The following UXS1 variants were observed in gnomAD, a reference collection of about 807,000 sequenced individuals.
UXS1 encodes UDP-glucuronic acid decarboxylase 1.
A neutral mutation model predicts 62.6 loss-of-function variants in UXS1; 33 were observed. That is an observed-to-expected ratio of 0.53 (90% confidence interval 0.40 to 0.70). The LOEUF (loss-of-function observed/expected upper bound fraction) is 0.70, where lower values mean the gene tolerates loss of function less well. UXS1 is among the 30% of genes least tolerant of loss of function. The pLI, the probability that UXS1 is intolerant of heterozygous loss-of-function variation, is 0.00. For synonymous variants in UXS1, 213 were observed against 206.8 expected, an observed-to-expected ratio of 1.03 and a Z score of -0.26; for missense variants, 434 against 556.3, an observed-to-expected ratio of 0.78 and a Z score of 2.21.
intron 11 of UXS1, 94 bp from the exon 12 acceptor site, chr2:106,101,212 C>T (rs1677569954): frequency 1.5e-6 from 2 of 1,322,096 alleles, no homozygotes; most frequent in Non-Finnish European, 2.1e-6. Flanking sequence ...AAAATTACCA[C>T]CCCCAGGAGA....
chr2:106,178,480 GTA>G (rs56154825), intron 1 of UXS1, among the ~76,000 whole-genome samples: 5 of 151,382 alleles, frequency 3.3e-5, no homozygotes, highest in East Asian at 1.9e-4. Flanking sequence ...ACAAGTGTGT[GTA>G]TATATATATA....
chr2:106,170,112 C>G (rs1683457817), intron 1 of UXS1, among the ~76,000 whole-genome samples: 1 of 152,128 alleles, frequency 6.6e-6, no homozygotes, highest in Non-Finnish European at 1.5e-5. Context: ...CTTCCTTCCC[C>G]ACTCAGACCT....
chr2:106,098,229 T>C (rs143653138), intron 13 of UXS1, among the ~76,000 whole-genome samples: 17 of 152,254 alleles, frequency 1.1e-4, no homozygotes, highest in Admixed American at 1.1e-3. Flanking sequence ...CTGGAAGACC[T>C]GACCTTCTCA....
chr2:106,137,390 T>C (rs535948696), intron 6 of UXS1, among the ~76,000 whole-genome samples: 1 of 152,244 alleles, frequency 6.6e-6, no homozygotes, highest in East Asian at 1.9e-4. Flanking sequence ...GGGCTGCAGG[T>C]AGAAGCAGCA....
At chr2:106,159,302 G>A (rs1291333223) in intron 4 of UXS1, 1 of 152,264 alleles carries the variant, frequency 6.6e-6, no homozygotes, top group Non-Finnish European at 1.5e-5. Context: ...CTCCACAAGA[G>A]CGAGAAGAGA....
At chr2:106,115,699 T>C (rs540755922) in intron 9 of UXS1, among the ~76,000 whole-genome samples, 1 of 152,202 alleles carries the variant, frequency 6.6e-6, no homozygotes, top group South Asian at 2.1e-4. Context: ...TCACTTCAGT[T>C]TCTAAGACTT....
chr2:106,156,071 C>T (rs1682398230), intron 5 of UXS1, among the ~76,000 whole-genome samples: 1 of 151,964 alleles, frequency 6.6e-6, no homozygotes, highest in South Asian at 2.1e-4. Context: ...AGCATTTGTG[C>T]TTCAAAGAAT....
intron 3 of UXS1, among the ~76,000 whole-genome samples, chr2:106,164,484 G>A (rs545924114): frequency 3.3e-5 from 5 of 152,240 alleles, no homozygotes; most frequent in Admixed American, 2.6e-4. Flanking sequence ...TCTAAAAAAC[G>A]CTTACCTGAA....
intron 1 of UXS1, among the ~76,000 whole-genome samples, chr2:106,193,857 GT>G (rs1360958034): frequency 1.3e-5 from 2 of 152,064 alleles, no homozygotes. Context: ...CCGCCGCCGA[GT>G]CCCCCGCGCC....
chr2:106,159,703 C>T (rs1409814994), intron 4 of UXS1, among the ~76,000 whole-genome samples: 1 of 152,200 alleles, frequency 6.6e-6, no homozygotes, highest in Non-Finnish European at 1.5e-5. Flanking sequence ...CATCCCTGCC[C>T]TGTCCCCAGC....
chr2:106,101,294 A>G, intron 11 of UXS1, 176 bp from the exon 12 acceptor site: 1 of 620,942 alleles, frequency 1.6e-6, no homozygotes, highest in Non-Finnish European at 2.7e-6. Flanking sequence ...TTACAATGCG[A>G]AAGTATTTAT....
chr2:106,149,411 T>G (rs890369240), intron 5 of UXS1, among the ~76,000 whole-genome samples: 1 of 152,192 alleles, frequency 6.6e-6, no homozygotes, highest in Non-Finnish European at 1.5e-5. Flanking sequence ...GTGGGGTGAT[T>G]AGGCCATGAG....
intron 5 of UXS1, among the ~76,000 whole-genome samples, chr2:106,151,800 C>T (rs186427022): frequency 6.6e-6 from 1 of 152,174 alleles, no homozygotes; most frequent in Non-Finnish European, 1.5e-5. Flanking sequence ...GAGGGACATA[C>T]AAGTATTAAC....
intron 1 of UXS1, among the ~76,000 whole-genome samples, chr2:106,168,669 A>C (rs1683357214): frequency 1.3e-5 from 2 of 152,216 alleles, no homozygotes; most frequent in African/African-American, 4.8e-5. Context: ...GCCCTCACCA[A>C]TGTCATGGCC....
chr2:106,157,936 C>A (rs1024568657), intron 5 of UXS1, 122 bp downstream of exon 5: 5 of 850,406 alleles, frequency 5.9e-6, no homozygotes, highest in African/African-American at 3.4e-5. Flanking sequence ...ACTCTGTGGA[C>A]ATACTATAAG....
intron 5 of UXS1, chr2:106,145,571 C>A: frequency 2.1e-6 from 1 of 481,172 alleles, no homozygotes. Context: ...CTGTAAACTC[C>A]TAAGCAGCCT....
chr2:106,099,525 T>A (rs536810276), intron 12 of UXS1, among the ~76,000 whole-genome samples: 1 of 152,258 alleles, frequency 6.6e-6, no homozygotes, highest in South Asian at 2.1e-4. Flanking sequence ...ACAGAGGGGA[T>A]GACTAGCGAA....
chr2:106,169,449 T>C (rs975967425), intron 1 of UXS1, among the ~76,000 whole-genome samples: 2 of 152,192 alleles, frequency 1.3e-5, no homozygotes, highest in African/African-American at 4.8e-5. Context: ...GTAATCCTAA[T>C]ACTTTGGGAG....
At chr2:106,106,364 CA>C (rs34097863) in intron 10 of UXS1, among the ~76,000 whole-genome samples, 29,544 of 127,410 alleles carry the variant, frequency 0.23, 3,130 homozygotes, top group East Asian at 0.39. Context: ...AACTCCGTCT[CA>C]AAAAAAAAAA....
Sources: gnomAD v4.1 joint callset for allele counts (sites outside exome capture counted in the v4.1 genomes callset) on GRCh38, gnomAD v4.1.1 for gene constraint, MANE v1.5 for transcripts, NCBI Gene and HGNC (gene_info 2026-07-23, HGNC 2026-07-21) for gene names.